LRRC71: variants seen among roughly 807,000 people sequenced by gnomAD.
LRRC71 encodes leucine-rich repeat-containing protein 71.
In LRRC71, 54 loss-of-function variants were observed where a neutral mutation model predicts 66.6. That is an observed-to-expected ratio of 0.81 (90% CI 0.65 to 1.02). LRRC71 has a LOEUF of 1.02. LRRC71 is among the 50% of genes least tolerant of loss of function. The pLI is 0.00. For synonymous variants in LRRC71, 323 were observed against 303.9 expected (o/e 1.06, Z -0.65); for missense variants, 724 against 718.0 (o/e 1.01, Z -0.10).
At chr1:156,924,302 G>A (rs1372393617) in intron 2 of LRRC71, 122 bp from the exon 3 acceptor site, 2 of 1,400,704 alleles carry the variant, frequency 1.4e-6, no homozygotes, top group East Asian at 5.0e-5. Context: ...GAGAGGCAGA[G>A]TCCGCAGGCC....
chr1:156,940,190 G>C, the LRRC71 span: 1 of 1,551,746 alleles, frequency 6.4e-7, no homozygotes, highest in Non-Finnish European at 8.7e-7. Flanking sequence ...CTGACGGCAG[G>C]GCCTTGAAGC....
intron 12 of LRRC71, among the ~76,000 whole-genome samples, chr1:156,931,232 G>A (rs1654321199): frequency 1.3e-5 from 2 of 152,014 alleles, no homozygotes; most frequent in Admixed American, 6.5e-5. Flanking sequence ...CTGAGCATCC[G>A]CCTCTCTTTA....
the LRRC71 span, chr1:156,940,131 G>A: frequency 6.8e-7 from 1 of 1,480,314 alleles, no homozygotes; most frequent in East Asian, 2.3e-5. Context: ...AAGGTGGAGG[G>A]TGCAGGCGCC....
downstream of LRRC71, chr1:156,936,947 C>T (rs1215355867): frequency 1.9e-6 from 3 of 1,614,092 alleles, no homozygotes; most frequent in Non-Finnish European, 2.5e-6. Context: ...AGGCGTGGTG[C>T]CACCAGATGA....
intron 2 of LRRC71, 31 bp from the exon 3 acceptor site, chr1:156,924,393 G>T: frequency 6.5e-7 from 1 of 1,542,722 alleles, no homozygotes. Context: ...GGAGGTGGCT[G>T]TTCCCCTCCC....
chr1:156,927,337 C>T (rs1653356110), intron 6 of LRRC71, 67 bp downstream of exon 6: 1 of 1,574,942 alleles, frequency 6.3e-7, no homozygotes. Flanking sequence ...TTTTTAGTCC[C>T]CGCCCTTCCT....
chr1:156,924,364 C>T, intron 2 of LRRC71, 60 bp from the exon 3 acceptor site: 1 of 1,521,924 alleles, frequency 6.6e-7, no homozygotes, highest in South Asian at 1.2e-5. Context: ...ACCCGTGGGC[C>T]GGCCCGGCGT....
chr1:156,931,820 G>A (rs967002160), intron 12 of LRRC71, 96 bp from the exon 13 acceptor site: 13 of 956,948 alleles, frequency 1.4e-5, no homozygotes, highest in African/African-American at 1.6e-5. Context: ...GACTATAGCC[G>A]GCAGTCAAAA....
chr1:156,939,361 T>C, the LRRC71 span: 1 of 751,902 alleles, frequency 1.3e-6, no homozygotes. Context: ...AGCTAAGCTC[T>C]GAATCTCGAA....
the LRRC71 span, chr1:156,938,702 C>T: frequency 6.6e-4 from 341 of 516,994 alleles, 3 homozygotes; most frequent in South Asian, 9.3e-3. Context: ...ACCAATTCAC[C>T]GAGAGACAGA....
the LRRC71 span, chr1:156,939,399 C>T: frequency 7.6e-6 from 8 of 1,049,278 alleles, no homozygotes; most frequent in South Asian, 3.0e-5. Context: ...TGCCTGATAT[C>T]GGCGTTGTCT....
downstream of LRRC71, chr1:156,936,068 G>A (rs1557805196): frequency 3.1e-6 from 5 of 1,613,998 alleles, no homozygotes; most frequent in Non-Finnish European, 4.2e-6. Flanking sequence ...CCTGTGGGAG[G>A]AGGATGAAGG....
downstream of LRRC71, among the ~76,000 whole-genome samples, chr1:156,934,326 G>A (rs991150046): frequency 2.0e-5 from 3 of 152,162 alleles, no homozygotes; most frequent in African/African-American, 7.2e-5. Context: ...TGAATGCCAG[G>A]AGACAGAGGT....
rs1002462447 is a variant in LRRC71, at chr1:156,931,833, T to G, written c.1330-83T>G. The stretch of plus-strand genomic sequence containing the variant: ...TGGACTATAGCCGGCAGTCAAAACA[T>G]GTATGTTGAATGAATGAATGAATGA... On this transcript the variant is annotated intron_variant, in intron 12 of 14. Coordinates refer to ENST00000337428, the MANE Select transcript of LRRC71 (RefSeq NM_144702.3). 19 of 1,103,462 alleles carry G rather than the reference T, an allele frequency of 1.7e-5. No homozygotes were observed. The East Asian group carries it at 4.7e-4, about 27-fold the overall frequency. 68.4% of individuals were successfully genotyped at this position (1,103,462 alleles called of 1,614,324 possible).
Position 156,929,159 on chromosome 1 carries a change from G to A in LRRC71, c.997-121G>A, listed in dbSNP as rs951468215. ...ATTATTTTAGCATTTAGGCAGGGAG[G>A]TGGGTGGGAGGGTGCTGTCAGCTCG... On this transcript the variant is annotated intron_variant, in intron 9 of 14. Coordinates refer to ENST00000337428, the MANE Select transcript of LRRC71 (RefSeq NM_144702.3). The A allele has an allele frequency of 9.5e-6, 11 of 1,163,382 alleles. No homozygotes were observed. The Admixed American group carries it at 2.1e-4, about 22-fold the overall frequency. The allele number at this position is 1,163,382 out of a possible 1,614,324, so 72.1% of individuals were successfully genotyped here.
At chr1:156,928,171 T>TG (rs1277680759) in intron 9 of LRRC71, among the ~76,000 whole-genome samples, 167 bp downstream of exon 9, 6 of 152,140 alleles carry the variant, frequency 3.9e-5, no homozygotes, top group South Asian at 2.1e-4. Flanking sequence ...AAGCCCCTGC[T>TG]GGGGGGGCTC....
intron 9 of LRRC71, among the ~76,000 whole-genome samples, chr1:156,928,351 C>CTTCTTCCTCT (rs1553188822): frequency 1.4e-5 from 1 of 71,968 alleles, no homozygotes; most frequent in Non-Finnish European, 2.9e-5. Context: ...TTCTTTCTTT[C>CTTCTTCCTCT]TCTTCTTCTT....
chr1:156,932,403 C>T, intron 13 of LRRC71, 21 bp from the exon 14 acceptor site: 1 of 1,605,288 alleles, frequency 6.2e-7, no homozygotes, highest in Non-Finnish European at 8.5e-7. Context: ...TAAGAGGCCA[C>T]CTGTCTGTAA....
In LRRC71 at chr1:156,927,781, C is replaced by A. The variant is rs1406043720; in HGVS notation, c.871C>A (p.Arg291Ser). 2 of 1,612,662 alleles carry A rather than the reference C, an allele frequency of 1.2e-6. No individual in the cohort carries two copies. Among genetic ancestry groups the A allele is most frequent in the African/African-American group, 2.7e-5 (2 of 74,926 alleles). Residue 291 changes from arginine to serine, a missense_variant, in exon 8 of 15, where the codon CGC (arginine) becomes AGC (serine). By Grantham distance (110) the Arg-to-Ser change is moderately radical. Transcript: ENST00000337428. ...GCTCTGGCTGTCCCTGGCCCACAACCGCATCCAGGACAAGGGCGCCCTGAA... is the reference window on the plus strand; with the variant it reads ...GCTCTGGCTGTCCCTGGCCCACAACAGCATCCAGGACAAGGGCGCCCTGAA... ...SLLWLSLAHN[R>S]IQDKGALKLA...
Sources: allele counts gnomAD v4.1 joint callset (sites outside exome capture counted in the v4.1 genomes callset), GRCh38; gene constraint gnomAD v4.1.1; transcripts MANE v1.5; gene names NCBI Gene and HGNC (gene_info 2026-07-23, HGNC 2026-07-21).